CADM2: variants seen among roughly 807,000 people sequenced by gnomAD.
The protein encoded by CADM2 is immunoglobulin superfamily member 4D.
A neutral mutation model predicts 49.8 loss-of-function variants in CADM2; 12 were observed. The observed-to-expected ratio is 0.24, with a 90% confidence interval of 0.15 to 0.39. The LOEUF is 0.39. Ranked by LOEUF, CADM2 falls within the 10% of genes least tolerant of loss-of-function variation. The probability of loss-of-function intolerance (pLI) is 1.00; values close to 1 mark genes in which losing one functional copy is unlikely to be tolerated. For synonymous variants in CADM2, 214 were observed against 175.4 expected (o/e 1.22, Z -1.74); for missense variants, 378 against 492.3 (o/e 0.77, Z 2.20).
chr3:85,849,899 T>A (rs1007551908), intron 3 of CADM2, among the ~76,000 whole-genome samples: 3 of 149,620 alleles, frequency 2.0e-5, no homozygotes, highest in East Asian at 3.9e-4. Flanking sequence ...ACCAAGAAAA[T>A]GATTTAACAG....
At chr3:86,056,337 A>T (rs1046444442) in intron 8 of CADM2, among the ~76,000 whole-genome samples, 8 of 152,240 alleles carry the variant, frequency 5.3e-5, no homozygotes, top group African/African-American at 1.9e-4. Flanking sequence ...AGCAAAAAAG[A>T]TCGCTGAAAG....
chr3:85,562,039 G>C (rs1432994804), intron 1 of CADM2, among the ~76,000 whole-genome samples: 1 of 152,100 alleles, frequency 6.6e-6, no homozygotes, highest in East Asian at 1.9e-4. Context: ...CAAAGTTAAA[G>C]AACTTTCCAT....
chr3:85,953,403 T>C (rs928655029), intron 7 of CADM2, among the ~76,000 whole-genome samples: 7 of 150,992 alleles, frequency 4.6e-5, no homozygotes, highest in African/African-American at 1.7e-4. Flanking sequence ...ACATTCCCAA[T>C]ATTTAAATTA....
intron 1 of CADM2, among the ~76,000 whole-genome samples, chr3:85,377,807 A>G (rs971404288): frequency 1.3e-5 from 2 of 152,054 alleles, no homozygotes; most frequent in Admixed American, 6.6e-5. Context: ...GAATGACACT[A>G]GTCTGTTTTT....
intron 1 of CADM2, among the ~76,000 whole-genome samples, chr3:85,160,659 T>A (rs2107666752): frequency 6.6e-6 from 1 of 152,336 alleles, no homozygotes; most frequent in Non-Finnish European, 1.5e-5. Context: ...TTAAAAACAT[T>A]ACTTCAAGTT....
chr3:85,971,102 T>A (rs1431949844), intron 8 of CADM2, among the ~76,000 whole-genome samples: 1 of 151,614 alleles, frequency 6.6e-6, no homozygotes, highest in African/African-American at 2.4e-5. Context: ...ATAACATACA[T>A]ATTAAGATCA....
intron 1 of CADM2, among the ~76,000 whole-genome samples, chr3:85,246,704 A>G (rs2042656779): frequency 6.6e-6 from 1 of 151,674 alleles, no homozygotes; most frequent in South Asian, 2.1e-4. Context: ...GTTATAGTGA[A>G]ACAGGCTAGG....
At chr3:85,887,238 G>A (rs183617642) in intron 5 of CADM2, among the ~76,000 whole-genome samples, 104 of 152,048 alleles carry the variant, frequency 6.8e-4, no homozygotes, top group African/African-American at 2.4e-3. Context: ...AGGCATGCAC[G>A]ACCATGCTTG....
chr3:85,353,387 T>A (rs2031540433), intron 1 of CADM2, among the ~76,000 whole-genome samples: 1 of 152,136 alleles, frequency 6.6e-6, no homozygotes, highest in Non-Finnish European at 1.5e-5. Context: ...TTTGCTTTGT[T>A]CTTGCCCCTT....
At chr3:85,018,906 G>A in intron 1 of CADM2, among the ~76,000 whole-genome samples, 1 of 152,128 alleles carries the variant, frequency 6.6e-6, no homozygotes, top group Non-Finnish European at 1.5e-5. Flanking sequence ...CCTCCAGACA[G>A]CTATTCAGGA....
intron 1 of CADM2, among the ~76,000 whole-genome samples, chr3:85,099,170 A>G (rs1208601048): frequency 6.6e-6 from 1 of 152,198 alleles, no homozygotes; most frequent in Non-Finnish European, 1.5e-5. Flanking sequence ...CAAACTATTT[A>G]TGTTCTGTGA....
At chr3:86,003,302 A>G (rs1448847340) in intron 8 of CADM2, among the ~76,000 whole-genome samples, 1 of 152,194 alleles carries the variant, frequency 6.6e-6, no homozygotes, top group African/African-American at 2.4e-5. Context: ...GACTTGGGCC[A>G]TAAGGGGAAC....
At chr3:84,972,583 T>A (rs2031531464) in intron 1 of CADM2, among the ~76,000 whole-genome samples, 1 of 152,202 alleles carries the variant, frequency 6.6e-6, no homozygotes, top group South Asian at 2.1e-4. Flanking sequence ...GATTCCTTTG[T>A]CATTTTTATT....
chr3:85,969,469 G>T (rs1399275325), intron 8 of CADM2, among the ~76,000 whole-genome samples: 1 of 151,364 alleles, frequency 6.6e-6, no homozygotes, highest in Non-Finnish European at 1.5e-5. Flanking sequence ...TCAGATCTCA[G>T]ATTAAAAGGG....
At chr3:85,678,934 T>C (rs1450007651) in intron 1 of CADM2, among the ~76,000 whole-genome samples, 1 of 152,086 alleles carries the variant, frequency 6.6e-6, no homozygotes, top group Non-Finnish European at 1.5e-5. Context: ...ATCCTGCCAT[T>C]CATAGGGCAG....
chr3:85,649,515 T>G (rs4321539), intron 1 of CADM2, among the ~76,000 whole-genome samples: 79,744 of 152,024 alleles, frequency 0.52, 21,894 homozygotes, highest in East Asian at 0.62. Flanking sequence ...TAGTTAGTGT[T>G]ACCTTCTCTA....
intron 8 of CADM2, among the ~76,000 whole-genome samples, chr3:86,007,282 A>G (rs1435994151): frequency 1.3e-5 from 2 of 152,124 alleles, no homozygotes; most frequent in Admixed American, 1.3e-4. Context: ...TTATTAAAAT[A>G]CATATAGTAA....
intron 1 of CADM2, among the ~76,000 whole-genome samples, chr3:85,554,849 A>T (rs2061911686): frequency 1.3e-5 from 2 of 148,782 alleles, no homozygotes; most frequent in Admixed American, 6.8e-5. Context: ...CTCAGCTAAT[A>T]TTTTTTTATT....
intron 1 of CADM2, among the ~76,000 whole-genome samples, chr3:85,694,447 C>T (rs1253708194): frequency 6.6e-6 from 1 of 152,118 alleles, no homozygotes; most frequent in Non-Finnish European, 1.5e-5. Context: ...CTTACCCTTC[C>T]AGTACCTGAA....
Sources: gnomAD v4.1 joint callset for allele counts (sites outside exome capture counted in the v4.1 genomes callset) on GRCh38, gnomAD v4.1.1 for gene constraint, MANE v1.5 for transcripts, NCBI Gene and HGNC (gene_info 2026-07-23, HGNC 2026-07-21) for gene names.